Variants in LIN7A observed in about 807,000 individuals in gnomAD.
LIN7A encodes the protein lin-7 cell polarity scaffold A.
LIN7A carries 25 observed loss-of-function variants against 29.8 expected under a neutral mutation model. That is an observed-to-expected ratio of 0.84 (90% CI 0.61 to 1.17). LIN7A has a LOEUF of 1.17. Among genes scored for constraint, LIN7A ranks in the 50% most tolerant of loss-of-function variants. The pLI is 0.00. For missense variants in LIN7A, 239 were observed against 287.0 expected (o/e 0.83, Z 1.21); for synonymous variants, 118 against 107.5 (o/e 1.10, Z -0.60).
At chr12:80,826,520 G>A (rs1872086000) in intron 4 of LIN7A, among the ~76,000 whole-genome samples, 1 of 152,042 alleles carries the variant, frequency 6.6e-6, no homozygotes, top group Non-Finnish European at 1.5e-5. Flanking sequence ...TCCAGCCAGA[G>A]TTACTTTACT....
At chr12:80,800,376 C>T (rs1160013847) in intron 5 of LIN7A, among the ~76,000 whole-genome samples, 1 of 151,178 alleles carries the variant, frequency 6.6e-6, no homozygotes, top group Non-Finnish European at 1.5e-5. Flanking sequence ...CTAATCCCAA[C>T]TACTCGGAAG....
intron 2 of LIN7A, among the ~76,000 whole-genome samples, chr12:80,874,560 G>T (rs1874587292): frequency 6.6e-6 from 1 of 152,122 alleles, no homozygotes; most frequent in Admixed American, 6.5e-5. Context: ...CTGAGGCAAA[G>T]AAAGGACAAA....
chr12:80,794,061 T>C lies in LIN7A; in HGVS notation c.*3666A>G, dbSNP rs1283072567. On this transcript the variant is annotated 3_prime_UTR_variant, in exon 6 of 6. Transcript: ENST00000552864. ...TTCAAATTCATACATCTAAAAAGTT[T>C]TTATATAGACTCAAAATATGGTTCT... 6.7e-6 allele frequency: 1 copy of C among 149,758 alleles called. No individual in the cohort carries two copies. The highest frequency in any genetic ancestry group is 1.5e-5 in the Non-Finnish European group (1 of 68,014). The allele number at this position is 149,758 out of a possible 1,614,324, so 9.3% of individuals were successfully genotyped here. A position where few individuals can be genotyped will look rare whatever the true frequency, so the allele number is the denominator to read the frequency against.
chr12:80,828,584 A>T (rs1872194064), intron 4 of LIN7A, among the ~76,000 whole-genome samples: 1 of 152,156 alleles, frequency 6.6e-6, no homozygotes, highest in Non-Finnish European at 1.5e-5. Context: ...AAATGTAGCA[A>T]AATAGTGACT....
intron 1 of LIN7A, among the ~76,000 whole-genome samples, chr12:80,899,689 A>T (rs759139775): frequency 1.3e-5 from 2 of 150,834 alleles, no homozygotes; most frequent in African/African-American, 2.4e-5. Flanking sequence ...TCTGGGATTC[A>T]GTTTCTTCCT....
chr12:80,796,902 T>C lies in LIN7A; in HGVS notation c.*825A>G, dbSNP rs1222818512. ...GGCTAGGTCCTTTGCTAGTATTCTC[T>C]TACTAGATTCTTAATACTTGGTAAG... On this transcript the variant is annotated 3_prime_UTR_variant, in exon 6 of 6. Transcript: ENST00000552864. The C allele has an allele frequency of 6.6e-6, 1 of 152,144 alleles. No individual in the cohort carries two copies. The highest frequency in any genetic ancestry group is 6.6e-5 in the Admixed American group (1 of 15,262). 9.4% of individuals were successfully genotyped at this position (152,144 alleles called of 1,614,324 possible).
intron 4 of LIN7A, among the ~76,000 whole-genome samples, chr12:80,830,860 C>T (rs1161022263): frequency 1.3e-5 from 2 of 152,118 alleles, no homozygotes; most frequent in Non-Finnish European, 2.9e-5. Context: ...GGCTCACTCC[C>T]TTATCTCCTT....
At chr12:80,809,659 G>GT (rs909491499) in intron 5 of LIN7A, among the ~76,000 whole-genome samples, 2 of 152,106 alleles carry the variant, frequency 1.3e-5, no homozygotes, top group Admixed American at 1.3e-4. Flanking sequence ...TGCCTTGAAG[G>GT]TTTTTTTCTG....
chr12:80,937,492 T>C (rs978492859), intron 1 of LIN7A, 149 bp downstream of exon 1: 2 of 460,388 alleles, frequency 4.3e-6, no homozygotes, highest in Non-Finnish European at 3.8e-6. Context: ...GAAAGTGTTC[T>C]GTTCTCGGCG....
intron 2 of LIN7A, among the ~76,000 whole-genome samples, chr12:80,875,153 G>C (rs1795504): frequency 0.68 from 103,106 of 152,158 alleles, 39,064 homozygotes; most frequent in Non-Finnish European, 0.87. Flanking sequence ...CACTAACTAG[G>C]TTGAAAGACC....
chr12:80,857,567 A>C (rs1159122448), intron 2 of LIN7A, among the ~76,000 whole-genome samples: 1 of 152,226 alleles, frequency 6.6e-6, no homozygotes, highest in Non-Finnish European at 1.5e-5. Flanking sequence ...AATGTGATAC[A>C]TGCCATTTAT....
At chr12:80,822,464 A>C (rs11114628) in intron 4 of LIN7A, among the ~76,000 whole-genome samples, 36,594 of 152,078 alleles carry the variant, frequency 0.24, 5,164 homozygotes, top group Non-Finnish European at 0.33. Context: ...AGGCTGAGGC[A>C]GGAGAATTGC....
At chr12:80,799,002 G>A (rs1870590706) in intron 5 of LIN7A, among the ~76,000 whole-genome samples, 1 of 152,138 alleles carries the variant, frequency 6.6e-6, no homozygotes, top group Admixed American at 6.5e-5. Context: ...AAAGTGCTGG[G>A]ATTACAGGTG....
chr12:80,844,976 C>T (rs1259825484), intron 4 of LIN7A, among the ~76,000 whole-genome samples: 1 of 152,074 alleles, frequency 6.6e-6, no homozygotes, highest in Non-Finnish European at 1.5e-5. Context: ...CGATGGTTCA[C>T]GCCTGTAATC....
intron 4 of LIN7A, among the ~76,000 whole-genome samples, chr12:80,827,705 T>C (rs1872145488): frequency 6.6e-6 from 1 of 152,182 alleles, no homozygotes; most frequent in African/African-American, 2.4e-5. Flanking sequence ...CAGTGTAGAA[T>C]GTCCTTCCTC....
At chr12:80,876,080 C>CAG (rs1555226195) in intron 2 of LIN7A, among the ~76,000 whole-genome samples, 123 of 147,108 alleles carry the variant, frequency 8.4e-4, no homozygotes, top group African/African-American at 2.7e-3. Flanking sequence ...CACACACACA[C>CAG]AGAGAGAGAG....
chr12:80,861,400 G>T, intron 2 of LIN7A: 1 of 155,410 alleles, frequency 6.4e-6, no homozygotes, highest in South Asian at 1.9e-4. Flanking sequence ...ATGGAGGAGT[G>T]ACAGAAGTTG....
chr12:80,869,294 T>C (rs1393863358), intron 2 of LIN7A, among the ~76,000 whole-genome samples: 1 of 152,118 alleles, frequency 6.6e-6, no homozygotes, highest in Non-Finnish European at 1.5e-5. Context: ...AAGATGCATA[T>C]GTTTTCTGGT....
Position 80,914,247 on chromosome 12 carries a change from C to T in LIN7A, c.82+23394G>A, listed in dbSNP as rs572087714. On this transcript the variant is annotated intron_variant, in intron 1 of 5. Transcript: ENST00000552864. Reference sequence around the variant, plus strand: ...GGTTCCGTGAACAGAGTTTCGTCGTCTGCATATTACATACCATTTGGAGAC... The same window carrying T: ...GGTTCCGTGAACAGAGTTTCGTCGTTTGCATATTACATACCATTTGGAGAC... 8.5e-5 allele frequency among the ~76,000 whole-genome samples: 13 copies of T among 152,310 alleles called. No individual in the cohort carries two copies. In the East Asian group the frequency reaches 2.5e-3, roughly 29 times the overall value.
Sources: allele counts gnomAD v4.1 joint callset (sites outside exome capture counted in the v4.1 genomes callset), GRCh38; gene constraint gnomAD v4.1.1; transcripts MANE v1.5; gene names NCBI Gene and HGNC (gene_info 2026-07-23, HGNC 2026-07-21).